FBXO36: variants seen among roughly 807,000 people sequenced by gnomAD.
FBXO36 encodes the protein F-box protein 36.
FBXO36 carries 18 observed loss-of-function variants against 17.0 expected under a neutral mutation model. The ratio of observed to expected loss-of-function variants is 1.06; its 90% CI spans 0.73 to 1.57. The LOEUF is 1.57. FBXO36 is among the 40% of genes most tolerant of loss of function. FBXO36 has a pLI of 0.00. For synonymous variants in FBXO36, 83 were observed against 85.3 expected, an observed-to-expected ratio of 0.97 and a Z score of 0.15; for missense variants, 229 against 221.9, an observed-to-expected ratio of 1.03 and a Z score of -0.20.
intron 1 of FBXO36, chr2:229,973,215 A>T (rs987700406): frequency 3.3e-5 from 5 of 152,014 alleles, no homozygotes; most frequent in African/African-American, 1.2e-4. Flanking sequence ...ATTTTTTTAA[A>T]GGGCTTCCAT....
chr2:229,967,347 T>C (rs1456991450), intron 1 of FBXO36, among the ~76,000 whole-genome samples: 1 of 152,176 alleles, frequency 6.6e-6, no homozygotes, highest in Non-Finnish European at 1.5e-5. Context: ...ACTTCCTCTT[T>C]CCCTAATTGA....
chr2:229,958,469 A>C (rs1270838022), intron 1 of FBXO36, among the ~76,000 whole-genome samples: 1 of 151,836 alleles, frequency 6.6e-6, no homozygotes, highest in Admixed American at 6.6e-5. Context: ...CGGGGTTTCA[A>C]CATATTGGCC....
chr2:229,990,912 G>A (rs1045757686), intron 2 of FBXO36, among the ~76,000 whole-genome samples: 13 of 151,908 alleles, frequency 8.6e-5, no homozygotes, highest in African/African-American at 2.7e-4. Flanking sequence ...TTATTTACTG[G>A]TCACAGTCTC....
At chr2:229,980,955 G>A (rs1049873641) in intron 2 of FBXO36, among the ~76,000 whole-genome samples, 2 of 152,166 alleles carry the variant, frequency 1.3e-5, no homozygotes, top group Non-Finnish European at 2.9e-5. Flanking sequence ...AAACCATGGT[G>A]TTGGTAGTCT....
intron 1 of FBXO36, among the ~76,000 whole-genome samples, chr2:229,950,920 C>T (rs2077054280): frequency 6.6e-6 from 1 of 150,696 alleles, no homozygotes; most frequent in Non-Finnish European, 1.5e-5. Flanking sequence ...TTATGCCCCA[C>T]TAATTATTTT....
intron 2 of FBXO36, among the ~76,000 whole-genome samples, chr2:229,988,455 A>T (rs547409987): frequency 4.0e-4 from 61 of 152,244 alleles, no homozygotes; most frequent in African/African-American, 1.3e-3. Flanking sequence ...TCAACACTTT[A>T]CCTTTTCACC....
At chr2:229,995,481 CA>C (rs34270292) in intron 2 of FBXO36, among the ~76,000 whole-genome samples, 147,909 of 151,690 alleles carry the variant, frequency 0.98, 72,230 homozygotes, top group East Asian at 1. Context: ...CCTGTCTCTA[CA>C]AAAAAAAATC....
chr2:229,937,147 A>G (rs924448084), intron 1 of FBXO36, among the ~76,000 whole-genome samples: 2 of 152,164 alleles, frequency 1.3e-5, no homozygotes, highest in African/African-American at 4.8e-5. Context: ...TGTAAGAAAA[A>G]AAGTGTCCCA....
intron 1 of FBXO36, among the ~76,000 whole-genome samples, chr2:229,941,140 G>A (rs2076996236): frequency 6.6e-6 from 1 of 152,144 alleles, no homozygotes; most frequent in Non-Finnish European, 1.5e-5. Context: ...GGCCTGGTGT[G>A]GAAAGAGGAG....
intron 1 of FBXO36, among the ~76,000 whole-genome samples, chr2:229,955,153 G>A (rs554991318): frequency 3.9e-5 from 6 of 152,100 alleles, no homozygotes; most frequent in South Asian, 2.1e-4. Flanking sequence ...CGCCCAGCCC[G>A]ATCACCCTAT....
chr2:229,982,180 T>C (rs534492219), intron 2 of FBXO36, among the ~76,000 whole-genome samples: 38 of 152,130 alleles, frequency 2.5e-4, no homozygotes, highest in Non-Finnish European at 5.9e-5. Context: ...TGTGCCACCA[T>C]GCCTGGCTAA....
chr2:229,980,179 T>C (rs2077230834), intron 2 of FBXO36, among the ~76,000 whole-genome samples: 1 of 151,888 alleles, frequency 6.6e-6, no homozygotes. Context: ...CCCCCGCCCC[T>C]GCCCCTGAAT....
chr2:229,939,448 AC>A (rs1200806182), intron 1 of FBXO36, among the ~76,000 whole-genome samples: 1 of 150,494 alleles, frequency 6.6e-6, no homozygotes, highest in East Asian at 1.9e-4. Context: ...TACTAAAAAT[AC>A]AAAAAAAAAA....
chr2:229,934,504 C>T (rs2106156452), intron 1 of FBXO36, among the ~76,000 whole-genome samples: 1 of 152,286 alleles, frequency 6.6e-6, no homozygotes, highest in Non-Finnish European at 1.5e-5. Context: ...ACCCTCTTTT[C>T]CCTGAGCATC....
chr2:229,969,216 G>T (rs2077168639), intron 1 of FBXO36, among the ~76,000 whole-genome samples: 1 of 145,964 alleles, frequency 6.9e-6, no homozygotes, highest in African/African-American at 2.5e-5. Context: ...AAACAAAGTT[G>T]TTTTTTTTTT....
chr2:229,932,835 C>T (rs1011694991), intron 1 of FBXO36: 4 of 265,246 alleles, frequency 1.5e-5, no homozygotes, highest in East Asian at 1.5e-4. Context: ...TTTGGGAGGC[C>T]GAGCCAGGTG....
intron 1 of FBXO36, among the ~76,000 whole-genome samples, chr2:229,949,076 G>A (rs1243644414): frequency 1.3e-5 from 2 of 152,178 alleles, no homozygotes; most frequent in South Asian, 2.1e-4. Context: ...CTCGTGATCC[G>A]CCCGCCTTGG....
intron 3 of FBXO36, among the ~76,000 whole-genome samples, chr2:230,006,786 G>T (rs1300220627): frequency 6.6e-6 from 1 of 152,058 alleles, no homozygotes; most frequent in Non-Finnish European, 1.5e-5. Context: ...AGACAGAAAG[G>T]CTCCCACGGC....
At chr2:229,997,445 G>A (rs1420549968) in intron 3 of FBXO36, among the ~76,000 whole-genome samples, 1 of 151,964 alleles carries the variant, frequency 6.6e-6, no homozygotes, top group Non-Finnish European at 1.5e-5. Flanking sequence ...GGGCGTGGTG[G>A]CAGGTGTTTG....
Sources: allele counts gnomAD v4.1 joint callset (sites outside exome capture counted in the v4.1 genomes callset), GRCh38; gene constraint gnomAD v4.1.1; transcripts MANE v1.5; gene names NCBI Gene and HGNC (gene_info 2026-07-23, HGNC 2026-07-21).